Variants in SOCS2 observed in about 807,000 individuals in gnomAD.
The protein encoded by SOCS2 is CIS-2.
Under a neutral mutation model 18.6 loss-of-function variants are expected in SOCS2, and 10 were observed. That is an observed-to-expected ratio of 0.54 (90% CI 0.33 to 0.91). The LOEUF (loss-of-function observed/expected upper bound fraction) is 0.91, where lower values mean the gene tolerates loss of function less well. Ranked by LOEUF, SOCS2 falls within the 40% of genes least tolerant of loss-of-function variation. SOCS2 has a pLI of 0.02. For synonymous variants in SOCS2, 104 were observed against 104.0 expected (o/e 1.00, Z 0.00); for missense variants, 231 against 247.2 (o/e 0.93, Z 0.44).
At chr12:93,601,493 G>C in the SOCS2 span, among the ~76,000 whole-genome samples, 1 of 152,072 alleles carries the variant, frequency 6.6e-6, no homozygotes, top group South Asian at 2.1e-4. Flanking sequence ...ATTTTTTGTA[G>C]AGACTGGATT....
downstream of SOCS2, among the ~76,000 whole-genome samples, chr12:93,580,061 A>G (rs550847057): frequency 1.3e-5 from 2 of 152,286 alleles, no homozygotes; most frequent in South Asian, 4.1e-4. Context: ...AAAAGGAAAT[A>G]TCGCCAGCTG....
the SOCS2 span, among the ~76,000 whole-genome samples, chr12:93,618,500 A>G: frequency 6.6e-6 from 1 of 152,084 alleles, no homozygotes; most frequent in Non-Finnish European, 1.5e-5. Context: ...TGCCTCTCTG[A>G]CCAGCTGCCC....
the SOCS2 span, among the ~76,000 whole-genome samples, chr12:93,613,962 A>G: frequency 2.6e-5 from 4 of 152,174 alleles, no homozygotes; most frequent in African/African-American, 4.8e-5. Context: ...CCAAGTATAA[A>G]AGGTTTTTTA....
downstream of SOCS2, among the ~76,000 whole-genome samples, chr12:93,584,239 T>C (rs1330089596): frequency 1.3e-5 from 2 of 152,236 alleles, no homozygotes; most frequent in African/African-American, 2.4e-5. Flanking sequence ...TTAATTATCA[T>C]GCTGATTGAA....
At chr12:93,614,627 C>CTTA in the SOCS2 span, among the ~76,000 whole-genome samples, 1 of 89,612 alleles carries the variant, frequency 1.1e-5, no homozygotes, top group African/African-American at 5.2e-5. Flanking sequence ...TTCTTTCTTT[C>CTTA]TTTCTTTTGA....
chr12:93,587,607 G>C (rs1180458395), downstream of SOCS2, among the ~76,000 whole-genome samples: 2 of 151,882 alleles, frequency 1.3e-5, no homozygotes, highest in Non-Finnish European at 2.9e-5. Context: ...CTTGAACCTG[G>C]GAGGCAGAGG....
downstream of SOCS2, among the ~76,000 whole-genome samples, chr12:93,587,679 TAAA>T (rs1015520754): frequency 5.3e-5 from 5 of 93,758 alleles, no homozygotes; most frequent in Admixed American, 2.4e-4. Flanking sequence ...AGACTCTGTC[TAAA>T]AAAAAAAAAA....
chr12:93,586,329 A>G (rs1355764130), downstream of SOCS2, among the ~76,000 whole-genome samples: 1 of 152,234 alleles, frequency 6.6e-6, no homozygotes, highest in African/African-American at 2.4e-5. Flanking sequence ...CTATATTTCA[A>G]TAATATTAAA....
chr12:93,588,725 T>C, the SOCS2 span, among the ~76,000 whole-genome samples: 1 of 151,866 alleles, frequency 6.6e-6, no homozygotes, highest in Non-Finnish European at 1.5e-5. Flanking sequence ...CAAGCAATTC[T>C]CCTGTCTCAG....
At chr12:93,606,078 G>C in the SOCS2 span, among the ~76,000 whole-genome samples, 1 of 152,170 alleles carries the variant, frequency 6.6e-6, no homozygotes, top group Non-Finnish European at 1.5e-5. Context: ...TTGTTGCTCT[G>C]CTCTTCCTAG....
At chr12:93,599,269 C>T in the SOCS2 span, among the ~76,000 whole-genome samples, 4,487 of 151,304 alleles carry the variant, frequency 0.03, 172 homozygotes, top group African/African-American at 0.088. Context: ...TCCTCCTGCC[C>T]CAGCCTCCCA....
the SOCS2 span, among the ~76,000 whole-genome samples, chr12:93,622,801 C>T: frequency 6.6e-6 from 1 of 152,100 alleles, no homozygotes; most frequent in Admixed American, 6.5e-5. Context: ...GCACACACAC[C>T]CAGCTTCCTC....
chr12:93,604,120 G>A, the SOCS2 span, among the ~76,000 whole-genome samples: 1 of 151,906 alleles, frequency 6.6e-6, no homozygotes, highest in Admixed American at 6.6e-5. Flanking sequence ...TCCTCATTGG[G>A]TATATGGGTA....
At chr12:93,601,716 C>G in the SOCS2 span, among the ~76,000 whole-genome samples, 1 of 152,190 alleles carries the variant, frequency 6.6e-6, no homozygotes, top group Non-Finnish European at 1.5e-5. Flanking sequence ...CTTCCAAACT[C>G]TGTGATATAT....
chr12:93,608,875 C>A, the SOCS2 span, among the ~76,000 whole-genome samples: 19 of 152,292 alleles, frequency 1.2e-4, no homozygotes, highest in African/African-American at 4.6e-4. Context: ...AATTGGTGTT[C>A]CTTTAAGCAG....
At chr12:93,589,688 T>A in the SOCS2 span, among the ~76,000 whole-genome samples, 1 of 152,228 alleles carries the variant, frequency 6.6e-6, no homozygotes, top group Non-Finnish European at 1.5e-5. Flanking sequence ...AATTCCTCAC[T>A]GTGCTTCTTA....
chr12:93,577,823 T>G (rs1450812501), downstream of SOCS2, among the ~76,000 whole-genome samples: 1 of 152,152 alleles, frequency 6.6e-6, no homozygotes, highest in Non-Finnish European at 1.5e-5. Flanking sequence ...GGCTGATCAA[T>G]GCCAGTTACC....
rs573738649 is a variant in SOCS2 at position 93,573,398 on chromosome 12, G to C, written c.139+362G>C. Reference sequence around the variant, plus strand: ...TTGCACGGGGTGCAATCAGCAAGTCGGTGCCGCGGGCCCCGCAGGCCCAGC... The same window carrying C: ...TTGCACGGGGTGCAATCAGCAAGTCCGTGCCGCGGGCCCCGCAGGCCCAGC... On this transcript the variant is annotated intron_variant, in intron 1 of 1. Coordinates refer to ENST00000551556, the MANE Select transcript of SOCS2 (RefSeq NM_001270471.2). The C allele has an allele frequency of 4.0e-5, 18 of 447,776 alleles. 1 individual carries two copies. The East Asian group carries it at 4.8e-4, about 12-fold the overall frequency. 27.7% of individuals were successfully genotyped at this position (447,776 alleles called of 1,614,324 possible).
At chr12:93,600,715 G>GTT in the SOCS2 span, among the ~76,000 whole-genome samples, 5 of 136,360 alleles carry the variant, frequency 3.7e-5, no homozygotes, top group African/African-American at 1.1e-4. Context: ...GTTACGTAAA[G>GTT]TTTTTTTTTT....
Sources: allele counts gnomAD v4.1 joint callset (sites outside exome capture counted in the v4.1 genomes callset), GRCh38; gene constraint gnomAD v4.1.1; transcripts MANE v1.5; gene names NCBI Gene and HGNC (gene_info 2026-07-23, HGNC 2026-07-21).